The following CDH12 variants were observed in gnomAD, a reference collection of about 807,000 sequenced individuals.
The protein encoded by CDH12 is cadherin 12.
CDH12 carries 41 observed loss-of-function variants against 74.1 expected under a neutral mutation model. That is an observed-to-expected ratio of 0.55 (90% confidence interval 0.43 to 0.72). The LOEUF (loss-of-function observed/expected upper bound fraction) is 0.72, where lower values mean the gene tolerates loss of function less well. Ranked by LOEUF, CDH12 falls within the 30% of genes least tolerant of loss-of-function variation. CDH12 has a pLI of 0.00. For missense variants in CDH12, 945 were observed against 977.2 expected, an observed-to-expected ratio of 0.97 and a Z score of 0.44; for synonymous variants, 399 against 355.0, an observed-to-expected ratio of 1.12 and a Z score of -1.39.
rs181730950 is a variant in CDH12, at chr5:22,477,047, G to A, written c.-428+28223C>T. ...TTAGGCTTTATCCACGTATCTCAAC[G>A]GTTATACACACGCATACACAAAAAA... On this transcript the variant is annotated intron_variant, in intron 2 of 14. Transcript: ENST00000382254. 5.3e-5 allele frequency among the ~76,000 whole-genome samples: 8 copies of A among 152,104 alleles called. No homozygotes were observed. In the East Asian group the frequency reaches 5.8e-4, roughly 11 times the overall value.
intron 6 of CDH12, among the ~76,000 whole-genome samples, chr5:21,855,035 C>T (rs1170126447): frequency 1.3e-5 from 2 of 151,728 alleles, no homozygotes; most frequent in East Asian, 2.0e-4. Flanking sequence ...GCTGGATCAT[C>T]GAAATGAAAG....
chr5:22,056,638 G>A (rs910451718), intron 5 of CDH12, among the ~76,000 whole-genome samples: 4 of 152,106 alleles, frequency 2.6e-5, no homozygotes, highest in African/African-American at 4.8e-5. Flanking sequence ...TCTGTGAAGC[G>A]CAAATCCCTA....
intron 4 of CDH12, among the ~76,000 whole-genome samples, chr5:22,130,184 A>G (rs1202545312): frequency 2.0e-5 from 3 of 150,714 alleles, no homozygotes; most frequent in Non-Finnish European, 3.0e-5. Context: ...GGAAAAAAGG[A>G]AAAAGGGAGG....
rs538637900 is a variant in CDH12, at chr5:22,250,820, G to A, written c.-332-38177C>T. 1.0e-3 allele frequency among the ~76,000 whole-genome samples: 155 copies of A among 152,244 alleles called. 3 individuals carry two copies. In the South Asian group the frequency reaches 0.03, roughly 29 times the overall value. On this transcript the variant is annotated intron_variant, in intron 3 of 14. Coordinates refer to ENST00000382254, the MANE Select transcript of CDH12 (RefSeq NM_004061.5). ...GAGGGCTTGCCCTTAATGGAAAGGA[G>A]AGCACTTAAAAAGCCATTGCAGAAT...
chr5:22,829,383 A>G (rs1736474967), intron 1 of CDH12, among the ~76,000 whole-genome samples: 1 of 152,218 alleles, frequency 6.6e-6, no homozygotes, highest in Admixed American at 6.5e-5. Flanking sequence ...ACGATATTTT[A>G]TAGATAAGAA....
intron 6 of CDH12, among the ~76,000 whole-genome samples, chr5:21,879,436 G>A (rs1174132013): frequency 6.6e-6 from 1 of 151,124 alleles, no homozygotes; most frequent in African/African-American, 2.5e-5. Flanking sequence ...TCTGGAAGAC[G>A]TTTTTGTTAC....
At chr5:21,909,015 T>C (rs1753756012) in intron 6 of CDH12, among the ~76,000 whole-genome samples, 1 of 152,222 alleles carries the variant, frequency 6.6e-6, no homozygotes, top group African/African-American at 2.4e-5. Context: ...TTTCCTTGGC[T>C]TCTGTCTGTT....
chr5:22,027,893 T>C (rs564144611), intron 5 of CDH12, among the ~76,000 whole-genome samples: 1 of 152,290 alleles, frequency 6.6e-6, no homozygotes, highest in South Asian at 2.1e-4. Context: ...TCTAGTTCTT[T>C]TAATTGTGAT....
intron 5 of CDH12, among the ~76,000 whole-genome samples, chr5:22,041,060 GA>G (rs1398554588): frequency 1.3e-5 from 2 of 151,934 alleles, no homozygotes; most frequent in Non-Finnish European, 2.9e-5. Context: ...AATATAGGGG[GA>G]AAGGTAAAAG....
At chr5:21,871,815 T>C (rs1751638398) in intron 6 of CDH12, among the ~76,000 whole-genome samples, 1 of 152,138 alleles carries the variant, frequency 6.6e-6, no homozygotes, top group Non-Finnish European at 1.5e-5. Context: ...CTTCCGAAAG[T>C]GTGACACTTG....
chr5:22,564,664 C>G (rs1389046466), intron 1 of CDH12, among the ~76,000 whole-genome samples: 1 of 152,132 alleles, frequency 6.6e-6, no homozygotes, highest in Non-Finnish European at 1.5e-5. Flanking sequence ...CTATTACTTA[C>G]ATAGATCTAA....
chr5:22,642,027 G>A (rs1227929541), intron 1 of CDH12, among the ~76,000 whole-genome samples: 1 of 152,092 alleles, frequency 6.6e-6, no homozygotes, highest in Non-Finnish European at 1.5e-5. Flanking sequence ...TCAAATATTT[G>A]CCAGGTAAAT....
chr5:21,872,264 C>A (rs114407725), intron 6 of CDH12, among the ~76,000 whole-genome samples: 1 of 152,140 alleles, frequency 6.6e-6, no homozygotes, highest in Non-Finnish European at 1.5e-5. Flanking sequence ...CGTTATAAAA[C>A]CTTCCTCTTA....
rs866472263 is a variant in CDH12, at chr5:22,262,615, A to C, written c.-332-49972T>G. Reference sequence around the variant, plus strand: ...CTTTATAGCAGCATGATTTATAGTCATTTGGGTATATACCCAGTAATGGGA... The same window carrying C: ...CTTTATAGCAGCATGATTTATAGTCCTTTGGGTATATACCCAGTAATGGGA... On this transcript the variant is annotated intron_variant, in intron 3 of 14. Transcript: ENST00000382254. Among the ~76,000 whole-genome samples, 527 of 149,642 alleles carry C rather than the reference A, an allele frequency of 3.5e-3. 5 individuals carry two copies. The highest frequency in any genetic ancestry group is 0.012 in the African/African-American group (488 of 40,662).
Position 22,357,300 on chromosome 5 carries a change from T to A in CDH12, c.-333+47957A>T, listed in dbSNP as rs191204784. On this transcript the variant is annotated intron_variant, in intron 3 of 14. Transcript: ENST00000382254. ...ATTTCTGATTTCTAGTGTTTACTTA[T>A]ATGTCTGTTTCTATCCAGGTAGACA... Among the ~76,000 whole-genome samples the A allele has an allele frequency of 5.9e-5, 9 of 152,292 alleles. No individual in the cohort carries two copies. The East Asian group carries it at 1.5e-3, about 26-fold the overall frequency.
At chr5:22,223,368 A>C (rs114733196) in intron 3 of CDH12, among the ~76,000 whole-genome samples, 12 of 152,160 alleles carry the variant, frequency 7.9e-5, no homozygotes, top group Non-Finnish European at 1.5e-4. Flanking sequence ...AAGAAAAAAC[A>C]GGTTGATCAC....
chr5:22,623,623 C>T (rs1004909440), intron 1 of CDH12, among the ~76,000 whole-genome samples: 5 of 152,124 alleles, frequency 3.3e-5, no homozygotes, highest in African/African-American at 1.2e-4. Context: ...TGAAGGACCT[C>T]TTCAAGGAGA....
chr5:22,330,245 C>G (rs893066937), intron 3 of CDH12, among the ~76,000 whole-genome samples: 1 of 152,096 alleles, frequency 6.6e-6, no homozygotes, highest in Admixed American at 6.5e-5. Flanking sequence ...TTCCTAGACA[C>G]AGCCTGTGTC....
At chr5:22,427,414 C>T (rs1271717011) in intron 2 of CDH12, among the ~76,000 whole-genome samples, 1 of 152,136 alleles carries the variant, frequency 6.6e-6, no homozygotes, top group East Asian at 1.9e-4. Flanking sequence ...AATCCACCCA[C>T]CACAGCCTCC....
Sources: gnomAD v4.1 joint callset for allele counts (sites outside exome capture counted in the v4.1 genomes callset) on GRCh38, gnomAD v4.1.1 for gene constraint, MANE v1.5 for transcripts, NCBI Gene and HGNC (gene_info 2026-07-23, HGNC 2026-07-21) for gene names.